The following KLRF1 variants were observed in gnomAD, a reference collection of about 807,000 sequenced individuals.
The protein encoded by KLRF1 is killer cell lectin-like receptor subfamily F member 1.
A neutral mutation model predicts 30.7 loss-of-function variants in KLRF1; 27 were observed. The observed-to-expected ratio is 0.88, with a 90% CI of 0.65 to 1.21. The LOEUF (loss-of-function observed/expected upper bound fraction) is 1.21. Ranked by LOEUF, KLRF1 falls within the 50% of genes most tolerant of loss-of-function variation. The pLI, the probability that KLRF1 is intolerant of heterozygous loss-of-function variation, is 0.00. For missense variants in KLRF1, 246 were observed against 259.3 expected, an observed-to-expected ratio of 0.95 and a Z score of 0.35; for synonymous variants, 92 against 89.3, an observed-to-expected ratio of 1.03 and a Z score of -0.17.
At chr12:9,810,120 G>A in the KLRF1 span, among the ~76,000 whole-genome samples, 3 of 152,044 alleles carry the variant, frequency 2.0e-5, no homozygotes, top group African/African-American at 7.2e-5. Flanking sequence ...TTTTATCTAG[G>A]AACAATTCTG....
At chr12:9,805,414 A>C in the KLRF1 span, among the ~76,000 whole-genome samples, 1 of 151,980 alleles carries the variant, frequency 6.6e-6, no homozygotes, top group Non-Finnish European at 1.5e-5. Context: ...CAGCCCTTTT[A>C]ATAAGGTCAC....
intron 3 of KLRF1, among the ~76,000 whole-genome samples, chr12:9,839,706 A>G (rs1392398685): frequency 6.6e-6 from 1 of 152,102 alleles, no homozygotes; most frequent in Non-Finnish European, 1.5e-5. Context: ...GGCTATAATC[A>G]CACAAAAAGA....
chr12:9,801,973 T>C, the KLRF1 span, among the ~76,000 whole-genome samples: 1 of 151,990 alleles, frequency 6.6e-6, no homozygotes, highest in African/African-American at 2.4e-5. Flanking sequence ...AGGATTTTTA[T>C]GGTTTGTGTT....
Position 9,844,526 on chromosome 12 carries a change from G to A in KLRF1, c.696G>A (p.Ter232=). 6.5e-7 allele frequency: 1 copy of A among 1,538,560 alleles called. No homozygotes were observed. ...SSVFKWICQY[*] ...TTTTCAAATGGATTTGTCAGTATTA[G>A]AGTTTGACAAAATTCACAGTGAAAT... is the stretch of plus-strand genomic sequence containing the variant. The change falls in exon 6 of 6, where the codon TAG becomes TAA. Residue 232 remains the stop codon, a stop_retained_variant. Coordinates refer to ENST00000617889, the MANE Select transcript of KLRF1 (RefSeq NM_016523.3).
At chr12:9,844,299 T>G (rs932942354) in intron 5 of KLRF1, 119 bp from the exon 6 acceptor site, 2 of 594,586 alleles carry the variant, frequency 3.4e-6, no homozygotes, top group Non-Finnish European at 6.0e-6. Flanking sequence ...AATCCAAGTA[T>G]GTAAAAATGC....
chr12:9,821,792 A>C, the KLRF1 span, among the ~76,000 whole-genome samples: 1 of 152,234 alleles, frequency 6.6e-6, no homozygotes, highest in African/African-American at 2.4e-5. Flanking sequence ...GCATGGCTGC[A>C]ACTGTGAAGA....
the KLRF1 span, among the ~76,000 whole-genome samples, chr12:9,814,428 T>TA: frequency 6.6e-6 from 1 of 151,990 alleles, no homozygotes; most frequent in African/African-American, 2.4e-5. Flanking sequence ...GAGCACAACA[T>TA]AGGGGATTGG....
the KLRF1 span, among the ~76,000 whole-genome samples, chr12:9,804,960 ATACATT>A: frequency 1.3e-5 from 2 of 151,912 alleles, no homozygotes; most frequent in Non-Finnish European, 2.9e-5. Context: ...CATTTCTGAG[ATACATT>A]CTATTTGATC....
chr12:9,840,940 C>G (rs919349128), intron 3 of KLRF1, among the ~76,000 whole-genome samples: 2 of 152,120 alleles, frequency 1.3e-5, no homozygotes, highest in African/African-American at 4.8e-5. Flanking sequence ...CCCGCAATCC[C>G]ATTACTGGGT....
At chr12:9,830,553 T>A (rs1387982477) in intron 1 of KLRF1, among the ~76,000 whole-genome samples, 1 of 152,078 alleles carries the variant, frequency 6.6e-6, no homozygotes, top group African/African-American at 2.4e-5. Context: ...ATAAAACTAT[T>A]ATGTTGAACA....
At chr12:9,817,444 C>G in the KLRF1 span, 1 of 437,376 alleles carries the variant, frequency 2.3e-6, no homozygotes, top group Non-Finnish European at 4.4e-6. Context: ...AGCTGTTAAA[C>G]AGGTCGTAGA....
At chr12:9,829,990 A>C (rs1867374637) in intron 1 of KLRF1, among the ~76,000 whole-genome samples, 1 of 152,180 alleles carries the variant, frequency 6.6e-6, no homozygotes, top group Non-Finnish European at 1.5e-5. Flanking sequence ...TTACGTCTAA[A>C]TTACTTCCTA....
At position 9,844,558 on chromosome 12, in the gene KLRF1, T is replaced by C; in HGVS notation, c.*32T>C. ...ACAAAATTCACAGTGAAATAATCAATGATCACTATTTTTGGCCTATTAGTT... is the reference window on the plus strand; with the variant it reads ...ACAAAATTCACAGTGAAATAATCAACGATCACTATTTTTGGCCTATTAGTT... On this transcript the variant is annotated 3_prime_UTR_variant, in exon 6 of 6. Coordinates refer to ENST00000617889, the MANE Select transcript of KLRF1 (RefSeq NM_016523.3). 8.2e-7 allele frequency: 1 copy of C among 1,218,012 alleles called. No homozygotes were observed. Among genetic ancestry groups the C allele is most frequent in the Non-Finnish European group, 1.2e-6 (1 of 830,872 alleles). The allele number at this position is 1,218,012 out of a possible 1,614,324, so 75.5% of individuals were successfully genotyped here.
At chr12:9,820,690 C>T in the KLRF1 span, among the ~76,000 whole-genome samples, 369 of 152,296 alleles carry the variant, frequency 2.4e-3, no homozygotes, top group South Asian at 5.4e-3. Context: ...CACCCTGCCC[C>T]CAACTTACCA....
At chr12:9,839,114 A>G (rs1867648550) in intron 3 of KLRF1, among the ~76,000 whole-genome samples, 1 of 152,074 alleles carries the variant, frequency 6.6e-6, no homozygotes, top group Non-Finnish European at 1.5e-5. Flanking sequence ...TGAACAACAG[A>G]TATTTATTCC....
chr12:9,823,678 C>T (rs989781330), upstream of KLRF1, among the ~76,000 whole-genome samples: 1 of 150,582 alleles, frequency 6.6e-6, no homozygotes, highest in Admixed American at 6.6e-5. Flanking sequence ...AAAGAAACAT[C>T]AAAAAGATCA....
At chr12:9,815,019 T>C in the KLRF1 span, among the ~76,000 whole-genome samples, 1 of 152,190 alleles carries the variant, frequency 6.6e-6, no homozygotes, top group Non-Finnish European at 1.5e-5. Flanking sequence ...AAATAATAAA[T>C]GCTTGAGGTG....
Position 9,844,781 on chromosome 12 carries a change from G to A in KLRF1, c.*255G>A, listed in dbSNP as rs191717062. 3.7e-4 allele frequency: 79 copies of A among 216,224 alleles called. No individual in the cohort carries two copies. The highest frequency in any genetic ancestry group is 1.4e-3 in the African/African-American group (60 of 43,726). 13.4% of individuals were successfully genotyped at this position (216,224 alleles called of 1,614,324 possible). A position where few individuals can be genotyped will look rare whatever the true frequency, so the allele number is the denominator to read the frequency against. On this transcript the variant is annotated 3_prime_UTR_variant, in exon 6 of 6. Coordinates refer to ENST00000617889, the MANE Select transcript of KLRF1 (RefSeq NM_016523.3). The stretch of plus-strand genomic sequence containing the variant: ...GTGATCATATCCAGGATTTTTATTC[G>A]TCGCTTATTTTATGCCAAATGTGAT...
chr12:9,811,946 G>T, the KLRF1 span, among the ~76,000 whole-genome samples: 161 of 152,196 alleles, frequency 1.1e-3, no homozygotes, highest in Non-Finnish European at 1.7e-3. Context: ...CATTAAATCG[G>T]GTGGAATTTG....
Sources: gnomAD v4.1 joint callset for allele counts (sites outside exome capture counted in the v4.1 genomes callset) on GRCh38, gnomAD v4.1.1 for gene constraint, MANE v1.5 for transcripts, NCBI Gene and HGNC (gene_info 2026-07-23, HGNC 2026-07-21) for gene names.